The following XXYLT1 variants were observed in gnomAD, a reference collection of about 807,000 sequenced individuals.
XXYLT1 encodes UDP-xylose:alpha-xyloside alpha-1,3-xylosyltransferase.
A neutral mutation model predicts 28.9 loss-of-function variants in XXYLT1; 20 were observed. That is an observed-to-expected ratio of 0.69 (90% confidence interval 0.49 to 1.00). XXYLT1 has a LOEUF of 1.00. Ranked by LOEUF, XXYLT1 falls within the 50% of genes least tolerant of loss-of-function variation. The pLI, the probability that XXYLT1 is intolerant of heterozygous loss-of-function variation, is 0.00. For synonymous variants in XXYLT1, 257 were observed against 253.8 expected (o/e 1.01, Z -0.12); for missense variants, 542 against 560.1 (o/e 0.97, Z 0.33).
chr3:195,177,936 T>TAAAAAAAAAAAAAAAAAA (rs56022005), intron 2 of XXYLT1, among the ~76,000 whole-genome samples: 1 of 115,654 alleles, frequency 8.6e-6, no homozygotes, highest in African/African-American at 3.6e-5. Flanking sequence ...CTCTGTCTCT[T>TAAAAAAAAAAAAAAAAAA]AAAAAAAAAA....
chr3:195,081,453 G>A (rs560913900), intron 3 of XXYLT1, among the ~76,000 whole-genome samples: 2 of 152,214 alleles, frequency 1.3e-5, no homozygotes, highest in East Asian at 1.9e-4. Context: ...GCCCAGCTCC[G>A]CCACCTTCCA....
intron 3 of XXYLT1, among the ~76,000 whole-genome samples, chr3:195,154,333 G>A (rs1353207146): frequency 5.3e-5 from 8 of 152,096 alleles, no homozygotes; most frequent in Admixed American, 2.6e-4. Context: ...GAGGCAAAAC[G>A]GTGGCACTAG....
intron 1 of XXYLT1, among the ~76,000 whole-genome samples, chr3:195,227,796 C>T (rs1183989632): frequency 6.6e-6 from 1 of 152,206 alleles, no homozygotes; most frequent in South Asian, 2.1e-4. Flanking sequence ...TTAACAGCAA[C>T]CAACAAAGGA....
rs3796158 is a variant in XXYLT1 at position 195,069,693 on chromosome 3, G to A, written c.*22C>T. The A allele has an allele frequency of 0.13, 206,152 of 1,594,026 alleles. 15,209 individuals carry two copies. Among genetic ancestry groups the A allele is most frequent in the East Asian group, 0.3 (13,337 of 44,782 alleles). On this transcript the variant is annotated 3_prime_UTR_variant, in exon 4 of 4. Transcript: ENST00000310380. ...TCCTTCCCCCAGATCTGGAGGCCCC[G>A]GGGGCAAGGCACGGGGAGCGCCTAG...
chr3:195,089,590 C>T (rs1281876431), intron 3 of XXYLT1, among the ~76,000 whole-genome samples: 1 of 151,970 alleles, frequency 6.6e-6, no homozygotes, highest in East Asian at 1.9e-4. Flanking sequence ...ATGTAAAGAC[C>T]ATCGAGACTA....
At chr3:195,087,656 T>G (rs1715808968) in intron 3 of XXYLT1, among the ~76,000 whole-genome samples, 1 of 152,096 alleles carries the variant, frequency 6.6e-6, no homozygotes, top group Non-Finnish European at 1.5e-5. Context: ...AAGCGGGCAT[T>G]AAAATTAGAT....
At chr3:195,261,361 G>A (rs569510350) in intron 1 of XXYLT1, among the ~76,000 whole-genome samples, 1 of 152,190 alleles carries the variant, frequency 6.6e-6, no homozygotes, top group South Asian at 2.1e-4. Flanking sequence ...TTGAACCCGG[G>A]ACATGGGACA....
intron 3 of XXYLT1, among the ~76,000 whole-genome samples, chr3:195,092,191 C>A (rs11921112): frequency 0.013 from 1,528 of 121,286 alleles, no homozygotes; most frequent in East Asian, 0.053. Flanking sequence ...TAAAGTTCAT[C>A]TGGAACCAAA....
chr3:195,217,605 A>C (rs1490916537), intron 2 of XXYLT1, among the ~76,000 whole-genome samples: 2 of 126,886 alleles, frequency 1.6e-5, no homozygotes, highest in Non-Finnish European at 3.3e-5. Flanking sequence ...CCAACTTACA[A>C]GGGATGTGAA....
intron 2 of XXYLT1, among the ~76,000 whole-genome samples, chr3:195,220,465 A>T (rs1458067002): frequency 6.6e-6 from 1 of 152,082 alleles, no homozygotes; most frequent in Non-Finnish European, 1.5e-5. Context: ...CTTAACCACG[A>T]CACCATAGGG....
chr3:195,199,338 G>A (rs567638017), intron 2 of XXYLT1, among the ~76,000 whole-genome samples: 3 of 152,162 alleles, frequency 2.0e-5, no homozygotes, highest in African/African-American at 4.8e-5. Context: ...TGGGCCGGGC[G>A]CGGTGGCTCA....
chr3:195,237,063 G>A (rs1328321649), intron 1 of XXYLT1, among the ~76,000 whole-genome samples: 2 of 152,262 alleles, frequency 1.3e-5, no homozygotes, highest in East Asian at 1.9e-4. Flanking sequence ...TTGGGGGATA[G>A]GGGATGCAAG....
chr3:195,233,986 G>A (rs1353723159), intron 1 of XXYLT1, among the ~76,000 whole-genome samples: 1 of 151,656 alleles, frequency 6.6e-6, no homozygotes, highest in Non-Finnish European at 1.5e-5. Flanking sequence ...GTGCGATCTC[G>A]GGTCACTGCA....
intron 2 of XXYLT1, among the ~76,000 whole-genome samples, chr3:195,160,980 T>C (rs1250070612): frequency 2.0e-5 from 3 of 152,178 alleles, no homozygotes; most frequent in East Asian, 3.9e-4. Flanking sequence ...TGGCTCACTA[T>C]AGGAATAGGG....
intron 1 of XXYLT1, among the ~76,000 whole-genome samples, chr3:195,252,721 C>G (rs865789471): frequency 0.041 from 5,504 of 133,358 alleles, 394 homozygotes; most frequent in African/African-American, 0.17. Flanking sequence ...CACACACACA[C>G]ACACACAGAG....
At chr3:195,270,235 T>C in intron 1 of XXYLT1, 1 of 593,528 alleles carries the variant, frequency 1.7e-6, no homozygotes, top group Non-Finnish European at 3.1e-6. Flanking sequence ...GTGCAGACTC[T>C]GAAGGCAGTG....
intron 2 of XXYLT1, among the ~76,000 whole-genome samples, chr3:195,185,184 G>A (rs547858181): frequency 2.0e-5 from 3 of 152,164 alleles, no homozygotes; most frequent in East Asian, 3.9e-4. Context: ...GAAAGGGGAA[G>A]GAACAGAGGG....
chr3:195,139,514 T>C (rs1053613614), intron 3 of XXYLT1, among the ~76,000 whole-genome samples: 1 of 152,228 alleles, frequency 6.6e-6, no homozygotes, highest in Non-Finnish European at 1.5e-5. Flanking sequence ...TTTCACAGTG[T>C]GCTCAGCCGC....
chr3:195,171,167 G>A (rs1294246027), intron 2 of XXYLT1, among the ~76,000 whole-genome samples: 2 of 152,244 alleles, frequency 1.3e-5, no homozygotes, highest in Non-Finnish European at 2.9e-5. Context: ...GGCACAGGGT[G>A]AGCCTGGACC....
Sources: allele counts gnomAD v4.1 joint callset (sites outside exome capture counted in the v4.1 genomes callset), GRCh38; gene constraint gnomAD v4.1.1; transcripts MANE v1.5; gene names NCBI Gene and HGNC (gene_info 2026-07-23, HGNC 2026-07-21).